ELFN2: variants seen among roughly 807,000 people sequenced by gnomAD.
ELFN2 encodes the protein protein phosphatase 1 regulatory subunit 29.
ELFN2 carries 17 observed loss-of-function variants against 45.5 expected under a neutral mutation model. The observed-to-expected ratio is 0.37, with a 90% confidence interval of 0.26 to 0.56. The LOEUF is 0.56. ELFN2 is among the 20% of genes least tolerant of loss of function. The pLI is 0.77. For missense variants in ELFN2, 922 were observed against 1,183.2 expected (o/e 0.78, Z 3.24); for synonymous variants, 550 against 551.5 (o/e 1.00, Z 0.04).
rs73164587 is a variant in ELFN2 at position 37,357,855 on chromosome 22, C to T, written n.149-15152G>A. ...ATTTGCCCTCAATTGTTGACAAACT[C>T]TGTACTGTCATCGACTTCCTCTTGG... On this transcript the variant is annotated intron_variant and non_coding_transcript_variant, in intron 1 of 2. Coordinates refer to ENST00000452946, the Ensembl canonical transcript of ELFN2. Among the ~76,000 whole-genome samples, 417 of 152,310 alleles carry T rather than the reference C, an allele frequency of 2.7e-3. 2 individuals are homozygous for T. Among genetic ancestry groups the T allele is most frequent in the Middle Eastern group, 0.017 (5 of 294 alleles).
At chr22:37,381,770 T>C (rs904119355) in intron 2 of ELFN2, among the ~76,000 whole-genome samples, 8 of 151,690 alleles carry the variant, frequency 5.3e-5, no homozygotes, top group African/African-American at 1.9e-4. Flanking sequence ...GGACATGCTG[T>C]GTGGAGTGAG....
chr22:37,342,632 C>T (rs1180563803), exon 2 of ELFN2: 1 of 151,896 alleles, frequency 6.6e-6, no homozygotes, highest in Non-Finnish European at 1.5e-5. Context: ...TCAGATTTCT[C>T]CGGGGGACCG....
chr22:37,355,964 T>A (rs977251459), intron 1 of ELFN2, among the ~76,000 whole-genome samples: 1 of 152,204 alleles, frequency 6.6e-6, no homozygotes, highest in South Asian at 2.1e-4. Context: ...AGAAATAATG[T>A]GTTTCATCAG....
intron 2 of ELFN2, among the ~76,000 whole-genome samples, chr22:37,379,420 C>A (rs1931685492): frequency 6.6e-6 from 1 of 152,192 alleles, no homozygotes; most frequent in South Asian, 2.1e-4. Context: ...TGCAGGCAAG[C>A]AGGCATTGGG....
intron 2 of ELFN2, among the ~76,000 whole-genome samples, chr22:37,381,777 T>C (rs1485489535): frequency 6.6e-6 from 1 of 150,378 alleles, no homozygotes; most frequent in Non-Finnish European, 1.5e-5. Context: ...CTGTGTGGAG[T>C]GAGAGCTCCA....
intron 2 of ELFN2, among the ~76,000 whole-genome samples, chr22:37,387,474 G>T (rs1335986238): frequency 1.3e-5 from 2 of 151,302 alleles, no homozygotes; most frequent in Non-Finnish European, 2.9e-5. Context: ...TTCCCCCTCT[G>T]TAGCCTCCTC....
At chr22:37,401,578 G>A (rs1371173549) in intron 2 of ELFN2, among the ~76,000 whole-genome samples, 2 of 152,194 alleles carry the variant, frequency 1.3e-5, no homozygotes, top group Non-Finnish European at 2.9e-5. Flanking sequence ...GGGCCCTCAG[G>A]AAACACGGCC....
At chr22:37,359,044 T>C (rs1053730020) in intron 1 of ELFN2, among the ~76,000 whole-genome samples, 2 of 152,114 alleles carry the variant, frequency 1.3e-5, no homozygotes, top group African/African-American at 2.4e-5. Flanking sequence ...ATGTTGGTAT[T>C]GGAAGCCCTG....
chr22:37,363,342 G>A (rs367644618), downstream of ELFN2, among the ~76,000 whole-genome samples: 3 of 152,280 alleles, frequency 2.0e-5, no homozygotes, highest in East Asian at 3.9e-4. Context: ...GAAGAGAGAG[G>A]GGCAGATGAG....
chr22:37,355,941 T>G (rs1487641855), intron 1 of ELFN2, among the ~76,000 whole-genome samples: 2 of 152,202 alleles, frequency 1.3e-5, no homozygotes, highest in East Asian at 3.8e-4. Context: ...GTGATATGTG[T>G]GCAGCTTGCT....
intron 2 of ELFN2, among the ~76,000 whole-genome samples, chr22:37,382,172 G>A (rs918186486): frequency 3.3e-5 from 5 of 152,124 alleles, no homozygotes; most frequent in African/African-American, 1.2e-4. Context: ...CAAGAACCCA[G>A]GCCAGCCTGA....
At chr22:37,416,130 C>T (rs1293742301) in intron 2 of ELFN2, among the ~76,000 whole-genome samples, 2 of 152,198 alleles carry the variant, frequency 1.3e-5, no homozygotes, top group Non-Finnish European at 2.9e-5. Flanking sequence ...GGTCCTCCAC[C>T]GTAAAAACCA....
At chr22:37,401,495 G>A (rs1215531812) in intron 2 of ELFN2, among the ~76,000 whole-genome samples, 3 of 152,176 alleles carry the variant, frequency 2.0e-5, no homozygotes, top group South Asian at 4.1e-4. Flanking sequence ...CCACTGTGAT[G>A]GGATTCAGGC....
chr22:37,387,603 G>A (rs549802140), intron 2 of ELFN2, among the ~76,000 whole-genome samples: 16 of 152,208 alleles, frequency 1.1e-4, no homozygotes, highest in South Asian at 8.3e-4. Context: ...CTGACATGTC[G>A]CCTTCTGAAA....
At chr22:37,416,298 G>A (rs548060142) in intron 2 of ELFN2, among the ~76,000 whole-genome samples, 1 of 152,314 alleles carries the variant, frequency 6.6e-6, no homozygotes, top group South Asian at 2.1e-4. Flanking sequence ...AAGGAGTTAG[G>A]CCTGCTGAGT....
At chr22:37,349,178 G>A (rs1601731485) in intron 1 of ELFN2, among the ~76,000 whole-genome samples, 1 of 151,384 alleles carries the variant, frequency 6.6e-6, no homozygotes, top group East Asian at 1.9e-4. Flanking sequence ...GCACCAGGAG[G>A]CCTGGGTGCA....
chr22:37,384,458 T>C (rs2145649822), intron 2 of ELFN2, among the ~76,000 whole-genome samples: 1 of 145,622 alleles, frequency 6.9e-6, no homozygotes, highest in South Asian at 2.3e-4. Flanking sequence ...TCTCCTCCCC[T>C]GGATCCCACC....
chr22:37,357,925 C>T lies in ELFN2; in HGVS notation n.149-15222G>A, dbSNP rs147006195. Among the ~76,000 whole-genome samples, 21 of 152,304 alleles carry T rather than the reference C, an allele frequency of 1.4e-4. No individual in the cohort carries two copies. In the South Asian group the frequency reaches 3.9e-3, roughly 29 times the overall value. ...CACCCCCTCCACACATCACCCTGCA[C>T]GCATCTGAAGCCGAAGTGAAGTCCC... On this transcript the variant is annotated intron_variant and non_coding_transcript_variant, in intron 1 of 2. Coordinates refer to ENST00000452946, the Ensembl canonical transcript of ELFN2.
At chr22:37,377,439 T>TCTC (rs372156836) in intron 2 of ELFN2, among the ~76,000 whole-genome samples, 8 of 151,954 alleles carry the variant, frequency 5.3e-5, no homozygotes, top group Admixed American at 3.3e-4. Flanking sequence ...TCTGCCTCTC[T>TCTC]CTCCTCCTCC....
Sources: allele counts gnomAD v4.1 joint callset (sites outside exome capture counted in the v4.1 genomes callset), GRCh38; gene constraint gnomAD v4.1.1; transcripts MANE v1.5; gene names NCBI Gene and HGNC (gene_info 2026-07-23, HGNC 2026-07-21).